Variants in DLG2 observed in about 807,000 individuals in gnomAD.
DLG2 encodes the protein discs large MAGUK scaffold protein 2.
Under a neutral mutation model 132.5 loss-of-function variants are expected in DLG2, and 45 were observed. The ratio of observed to expected loss-of-function variants is 0.34; its 90% CI spans 0.27 to 0.44. DLG2 has a LOEUF of 0.44. Among genes scored for constraint, DLG2 ranks in the 20% least tolerant of loss-of-function variants. DLG2 has a pLI of 1.00. For missense variants in DLG2, 1,045 were observed against 1,196.9 expected, an observed-to-expected ratio of 0.87 and a Z score of 1.87; for synonymous variants, 424 against 419.6, an observed-to-expected ratio of 1.01 and a Z score of -0.13.
chr11:85,562,529 G>T (rs1347258190), intron 3 of DLG2, among the ~76,000 whole-genome samples: 1 of 151,742 alleles, frequency 6.6e-6, no homozygotes, highest in Non-Finnish European at 1.5e-5. Context: ...GAGAGGTAAG[G>T]TGAATTGCCC....
At chr11:85,229,838 A>C (rs1490196281) in intron 4 of DLG2, among the ~76,000 whole-genome samples, 1 of 152,146 alleles carries the variant, frequency 6.6e-6, no homozygotes, top group African/African-American at 2.4e-5. Flanking sequence ...TGTCTTTTGC[A>C]GGGACATGGA....
rs2091001617 is a variant in DLG2, at chr11:85,429,341, A to G, written c.41-143976T>C. On this transcript the variant is annotated intron_variant, in intron 3 of 27. Transcript: ENST00000376104. Reference sequence around the variant, plus strand: ...CAACAAAAAAAGAAAATTTTAGACCAATATCCCTGATGACAAATGGGATCT... The same window carrying G: ...CAACAAAAAAAGAAAATTTTAGACCGATATCCCTGATGACAAATGGGATCT... Among the ~76,000 whole-genome samples, 2 of 152,172 alleles carry G rather than the reference A, an allele frequency of 1.3e-5. 1 individual carries two copies. The highest frequency in any genetic ancestry group is 4.1e-4 in the South Asian group (2 of 4,824).
intron 7 of DLG2, among the ~76,000 whole-genome samples, chr11:84,530,200 T>C (rs2099332370): frequency 6.6e-6 from 1 of 152,002 alleles, no homozygotes; most frequent in Non-Finnish European, 1.5e-5. Context: ...CCCAGAAAGA[T>C]AACTTAGGAA....
intron 7 of DLG2, among the ~76,000 whole-genome samples, chr11:84,464,358 G>C (rs528164301): frequency 4.0e-5 from 6 of 151,146 alleles, no homozygotes; most frequent in Non-Finnish European, 8.9e-5. Context: ...TCAGACTTAA[G>C]CTTCTCAGTG....
At chr11:85,523,660 G>A (rs1444124859) in intron 3 of DLG2, among the ~76,000 whole-genome samples, 2 of 152,160 alleles carry the variant, frequency 1.3e-5, no homozygotes, top group African/African-American at 2.4e-5. Flanking sequence ...TCACCATGGA[G>A]AGCAGTTTGG....
At chr11:83,830,547 T>C (rs185151607) in intron 17 of DLG2, among the ~76,000 whole-genome samples, 53 of 152,370 alleles carry the variant, frequency 3.5e-4, no homozygotes, top group African/African-American at 1.2e-3. Flanking sequence ...TTATTTATGA[T>C]AGTGACTGAC....
At chr11:85,427,300 G>C (rs1423048907) in intron 3 of DLG2, among the ~76,000 whole-genome samples, 2 of 152,094 alleles carry the variant, frequency 1.3e-5, no homozygotes, top group African/African-American at 4.8e-5. Flanking sequence ...TCCTCGAGAA[G>C]AGCAACTCCA....
At chr11:84,212,353 A>G (rs2096767807) in intron 8 of DLG2, among the ~76,000 whole-genome samples, 1 of 152,216 alleles carries the variant, frequency 6.6e-6, no homozygotes, top group South Asian at 2.1e-4. Context: ...CTTGAATCTT[A>G]TATAATTTGG....
chr11:84,832,963 G>A (rs1266591385), intron 6 of DLG2, among the ~76,000 whole-genome samples: 1 of 151,542 alleles, frequency 6.6e-6, no homozygotes, highest in Non-Finnish European at 1.5e-5. Flanking sequence ...TAAAGATGAA[G>A]AACGAGAGTT....
At chr11:85,202,604 C>T (rs2081552102) in intron 4 of DLG2, among the ~76,000 whole-genome samples, 2 of 152,096 alleles carry the variant, frequency 1.3e-5, no homozygotes, top group African/African-American at 4.8e-5. Flanking sequence ...ATTCTTTCCT[C>T]CAGCACATGG....
At chr11:85,032,998 A>G (rs981885624) in intron 6 of DLG2, among the ~76,000 whole-genome samples, 2 of 152,242 alleles carry the variant, frequency 1.3e-5, no homozygotes, top group African/African-American at 2.4e-5. Context: ...AACTTTATAC[A>G]TTGCATGCCA....
intron 11 of DLG2, among the ~76,000 whole-genome samples, chr11:84,014,947 C>T (rs897920061): frequency 3.9e-5 from 6 of 152,006 alleles, no homozygotes; most frequent in East Asian, 1.9e-4. Context: ...TCCCCTTCCT[C>T]GGTTTACCCA....
At chr11:83,463,208 G>C (rs1241152324) in intron 26 of DLG2, among the ~76,000 whole-genome samples, 1 of 151,280 alleles carries the variant, frequency 6.6e-6, no homozygotes, top group Admixed American at 6.6e-5. Flanking sequence ...TTTTCAGTTA[G>C]ACTTCCTATT....
rs189145369 is a variant in DLG2 at position 83,532,183 on chromosome 11, A to T, written c.2193+525T>A. Among the ~76,000 whole-genome samples the T allele has an allele frequency of 2.3e-3, 350 of 152,228 alleles. 10 individuals are homozygous for T. Among genetic ancestry groups the T allele is most frequent in the Admixed American group, 0.021 (322 of 15,276 alleles). ...CTTATAAAGCTATTATTTTAAAAAC[A>T]TGTACACATGTATATGTGAGTAAAT... On this transcript the variant is annotated intron_variant, in intron 21 of 27. Transcript: ENST00000376104.
chr11:85,604,990 C>G (rs1052906395), intron 2 of DLG2, among the ~76,000 whole-genome samples: 5 of 152,038 alleles, frequency 3.3e-5, no homozygotes, highest in African/African-American at 1.2e-4. Flanking sequence ...ACAGAACATA[C>G]AGTGGTATCA....
At chr11:85,283,904 A>G (rs1298301945) in intron 4 of DLG2, among the ~76,000 whole-genome samples, 2 of 151,790 alleles carry the variant, frequency 1.3e-5, no homozygotes, top group African/African-American at 2.4e-5. Flanking sequence ...AAAAAAAGCA[A>G]TGGCTTATAC....
At chr11:83,706,568 T>C (rs1229247321) in intron 18 of DLG2, among the ~76,000 whole-genome samples, 1 of 152,242 alleles carries the variant, frequency 6.6e-6, no homozygotes, top group Non-Finnish European at 1.5e-5. Context: ...TAGTTCATTT[T>C]GAGCAGTGAT....
At chr11:84,707,164 A>T (rs2059871834) in intron 6 of DLG2, among the ~76,000 whole-genome samples, 1 of 151,798 alleles carries the variant, frequency 6.6e-6, no homozygotes, top group Non-Finnish European at 1.5e-5. Flanking sequence ...ATAGCTCCCC[A>T]AGCGAACACC....
chr11:84,953,383 C>G (rs1245902365), intron 6 of DLG2, among the ~76,000 whole-genome samples: 2 of 152,176 alleles, frequency 1.3e-5, no homozygotes, highest in African/African-American at 2.4e-5. Flanking sequence ...GTAATTGTCT[C>G]AGCCTATAAT....
Sources: gnomAD v4.1 joint callset for allele counts (sites outside exome capture counted in the v4.1 genomes callset) on GRCh38, gnomAD v4.1.1 for gene constraint, MANE v1.5 for transcripts, NCBI Gene and HGNC (gene_info 2026-07-23, HGNC 2026-07-21) for gene names.